MICAL2: variants seen among roughly 807,000 people sequenced by gnomAD.
The protein encoded by MICAL2 is [F-actin]-monooxygenase MICAL2.
In MICAL2, 77 loss-of-function variants were observed where a neutral mutation model predicts 127.3. The observed-to-expected ratio is 0.60, with a 90% CI of 0.50 to 0.73. The LOEUF (loss-of-function observed/expected upper bound fraction) is 0.73, where lower values mean the gene tolerates loss of function less well. Ranked by LOEUF, MICAL2 falls within the 30% of genes least tolerant of loss-of-function variation. MICAL2 has a pLI of 0.00. For synonymous variants in MICAL2, 570 were observed against 551.1 expected, an observed-to-expected ratio of 1.03 and a Z score of -0.48; for missense variants, 1,351 against 1,434.4, an observed-to-expected ratio of 0.94 and a Z score of 0.94.
At chr11:12,139,511 C>T (rs1317939800) in intron 2 of MICAL2, among the ~76,000 whole-genome samples, 2 of 152,064 alleles carry the variant, frequency 1.3e-5, no homozygotes, top group African/African-American at 2.4e-5. Flanking sequence ...GAGGGGCAGC[C>T]GGCGTGCATG....
chr11:12,214,179 C>T (rs12291267), intron 7 of MICAL2, among the ~76,000 whole-genome samples: 33,369 of 152,042 alleles, frequency 0.22, 4,194 homozygotes, highest in Non-Finnish European at 0.27. Context: ...GAAAGGGGGA[C>T]GAGTCACCTC....
At chr11:12,198,413 G>T (rs1452934107) in intron 3 of MICAL2, among the ~76,000 whole-genome samples, 1 of 152,174 alleles carries the variant, frequency 6.6e-6, no homozygotes, top group Non-Finnish European at 1.5e-5. Flanking sequence ...GTGCAGCCAG[G>T]TCCCTATTGC....
At chr11:12,243,908 G>A (rs1486477088) in intron 20 of MICAL2, 79 bp from the exon 21 acceptor site, 1 of 1,540,976 alleles carries the variant, frequency 6.5e-7, no homozygotes, top group East Asian at 2.3e-5. Flanking sequence ...CACAGGCATG[G>A]GACTGCATGA....
At chr11:12,307,621 G>C (rs1189152532) in intron 29 of MICAL2, among the ~76,000 whole-genome samples, 1 of 152,176 alleles carries the variant, frequency 6.6e-6, no homozygotes, top group Non-Finnish European at 1.5e-5. Context: ...CAAGATTCTA[G>C]TTAATTTTTT....
intron 2 of MICAL2, among the ~76,000 whole-genome samples, chr11:12,154,074 G>C (rs1019199898): frequency 1.3e-5 from 2 of 152,194 alleles, no homozygotes; most frequent in Non-Finnish European, 2.9e-5. Context: ...TGGAATGTGG[G>C]TGGGAGAGCA....
intron 3 of MICAL2, among the ~76,000 whole-genome samples, chr11:12,190,432 C>A (rs1282820455): frequency 6.6e-6 from 1 of 152,216 alleles, no homozygotes; most frequent in Non-Finnish European, 1.5e-5. Context: ...TCTGTCACCT[C>A]TAACTGGCTT....
intron 15 of MICAL2, among the ~76,000 whole-genome samples, 194 bp from the exon 16 acceptor site, chr11:12,235,983 C>G (rs939437310): frequency 3.3e-5 from 5 of 152,228 alleles, no homozygotes; most frequent in African/African-American, 1.2e-4. Context: ...TGTGCCTGAA[C>G]AAAACCCTGT....
chr11:12,249,217 C>G lies in MICAL2; in HGVS notation c.2818C>G (p.Pro940Ala). 6.2e-7 allele frequency: 1 copy of G among 1,610,730 alleles called. No individual in the cohort carries two copies. Among genetic ancestry groups the G allele is most frequent in the Non-Finnish European group, 8.5e-7 (1 of 1,177,000 alleles). ...GTCACCTTCAGGGTTCCATTTTCAT[C>G]CCAGCCATTTGAGAACAGTGCATCC... ...KKSPSGFHFH[P>A]SHLRTVHPQL... The change falls in exon 22 of 28, where the codon CCC (proline) becomes GCC (alanine). Residue 940 changes from proline (P) to alanine (A), a missense_variant. This residue lies in a region of MICAL2 where 752 missense variants were observed against 719.4 expected (regional missense o/e 1.05). Transcript: ENST00000683283.
intron 31 of MICAL2, chr11:12,324,197 C>A (rs1014762757): frequency 8.0e-6 from 9 of 1,125,984 alleles, no homozygotes; most frequent in African/African-American, 1.6e-5. Flanking sequence ...CAGTCTTGTT[C>A]TCTGAGGAAC....
At chr11:12,118,965 G>T (rs1404087878) in intron 1 of MICAL2, among the ~76,000 whole-genome samples, 1 of 152,102 alleles carries the variant, frequency 6.6e-6, no homozygotes, top group Non-Finnish European at 1.5e-5. Flanking sequence ...AATCCTCTAG[G>T]TGGGTTCCTG....
At chr11:12,260,402 C>A in intron 26 of MICAL2, 1 of 1,254,288 alleles carries the variant, frequency 8.0e-7, no homozygotes. Flanking sequence ...GCTTTGTGAG[C>A]CATACTTCTG....
intron 3 of MICAL2, among the ~76,000 whole-genome samples, chr11:12,176,206 G>A (rs1418812816): frequency 6.6e-6 from 1 of 152,148 alleles, no homozygotes; most frequent in Non-Finnish European, 1.5e-5. Context: ...GAAGGTTAGG[G>A]CAGACTTGGC....
intron 10 of MICAL2, among the ~76,000 whole-genome samples, chr11:12,222,203 C>CTG (rs1333538365): frequency 6.6e-6 from 1 of 152,182 alleles, no homozygotes; most frequent in African/African-American, 2.4e-5. Flanking sequence ...GGCCACGTGG[C>CTG]TGTGACAGCT....
intron 2 of MICAL2, among the ~76,000 whole-genome samples, chr11:12,151,290 G>A (rs945418604): frequency 1.3e-5 from 2 of 152,188 alleles, no homozygotes; most frequent in African/African-American, 4.8e-5. Flanking sequence ...AACTTTTGCA[G>A]AACACTAAGG....
chr11:12,130,278 G>A lies in MICAL2; in HGVS notation c.-148-8112G>A, dbSNP rs186949431. ...TCCTGAGCATAAATGTGCCATGAGG[G>A]ACCCTGCAACTGAAGGTGGAGGAGG... is the stretch of plus-strand genomic sequence containing the variant. On this transcript the variant is annotated intron_variant, in intron 1 of 27. Coordinates refer to ENST00000683283, the MANE Select transcript of MICAL2 (RefSeq NM_001282663.2). Among the ~76,000 whole-genome samples the A allele has an allele frequency of 2.0e-5, 3 of 150,964 alleles. No individual in the cohort carries two copies. The East Asian group carries it at 5.8e-4, about 29-fold the overall frequency.
chr11:12,315,767 G>A (rs929590272), intron 29 of MICAL2, among the ~76,000 whole-genome samples: 2 of 152,234 alleles, frequency 1.3e-5, no homozygotes, highest in African/African-American at 2.4e-5. Context: ...TTAATAGCGT[G>A]TACAAGTCGC....
chr11:12,269,456 C>T (rs1282969241), intron 24 of MICAL2, among the ~76,000 whole-genome samples: 1 of 152,210 alleles, frequency 6.6e-6, no homozygotes, highest in Non-Finnish European at 1.5e-5. Flanking sequence ...ATTCAGCTTC[C>T]CTGATACTCT....
At position 12,127,519 on chromosome 11, in the gene MICAL2, G is replaced by A. The variant is rs1184266263; in HGVS notation, c.-148-10871G>A. Among the ~76,000 whole-genome samples, 3 of 152,178 alleles carry A rather than the reference G, an allele frequency of 2.0e-5. No individual in the cohort carries two copies. In the East Asian group the frequency reaches 5.8e-4, roughly 29 times the overall value. The stretch of plus-strand genomic sequence containing the variant: ...GAAAATCAAAGCAGGGAAGGAGATG[G>A]TGTGTGCTGCATGGAGAGGGGAGCA... On this transcript the variant is annotated intron_variant, in intron 1 of 27. Transcript: ENST00000683283.
At chr11:12,358,282 T>G (rs748984394) in intron 34 of MICAL2, 1 of 1,611,288 alleles carries the variant, frequency 6.2e-7, no homozygotes, top group Non-Finnish European at 8.5e-7. Flanking sequence ...GTGGTTTTCT[T>G]TTTTTTCTTT....
Sources: allele counts gnomAD v4.1 joint callset (sites outside exome capture counted in the v4.1 genomes callset), GRCh38; gene constraint gnomAD v4.1.1; regional missense constraint gnomAD v4.1.1; transcripts MANE v1.5; gene names NCBI Gene and HGNC (gene_info 2026-07-23, HGNC 2026-07-21).